The following RGS20 variants were observed in gnomAD, a reference collection of about 807,000 sequenced individuals.
RGS20 encodes regulator of G protein signaling 20, also known as gz-selective GTPase-activating protein.
In RGS20, 30 loss-of-function variants were observed where a neutral mutation model predicts 33.6. The ratio of observed to expected loss-of-function variants is 0.89; its 90% CI spans 0.67 to 1.21. RGS20 has a LOEUF of 1.21. Ranked by LOEUF, RGS20 falls within the 50% of genes most tolerant of loss-of-function variation. The probability of loss-of-function intolerance (pLI) is 0.00; values close to 1 mark genes in which losing one functional copy is unlikely to be tolerated. For synonymous variants in RGS20, 208 were observed against 197.9 expected (o/e 1.05, Z -0.43); for missense variants, 472 against 502.4 (o/e 0.94, Z 0.58).
chr8:53,918,848 A>G (rs924315063), intron 2 of RGS20, among the ~76,000 whole-genome samples: 1 of 152,228 alleles, frequency 6.6e-6, no homozygotes, highest in African/African-American at 2.4e-5. Flanking sequence ...ACCATTATGT[A>G]TAATGTTTAC....
intron 1 of RGS20, among the ~76,000 whole-genome samples, chr8:53,861,154 T>C (rs1371747355): frequency 6.6e-6 from 1 of 152,198 alleles, no homozygotes; most frequent in Non-Finnish European, 1.5e-5. Context: ...TTTATATCTA[T>C]CACCCACAAG....
intron 1 of RGS20, among the ~76,000 whole-genome samples, chr8:53,872,959 C>T (rs1164108840): frequency 6.6e-6 from 1 of 152,082 alleles, no homozygotes; most frequent in African/African-American, 2.4e-5. Context: ...GATGTTGTCT[C>T]CTCTAAATCT....
chr8:53,907,612 T>C (rs944782644), intron 2 of RGS20, among the ~76,000 whole-genome samples: 1 of 152,022 alleles, frequency 6.6e-6, no homozygotes, highest in African/African-American at 2.4e-5. Context: ...TTAAAGAATC[T>C]TTCCAAAATA....
chr8:53,932,843 A>G (rs1283198176), intron 2 of RGS20, among the ~76,000 whole-genome samples: 3 of 152,160 alleles, frequency 2.0e-5, no homozygotes, highest in African/African-American at 7.2e-5. Flanking sequence ...ACCTCCCAGC[A>G]GGGGTCGACA....
At chr8:53,927,469 T>G (rs1476420263) in intron 2 of RGS20, among the ~76,000 whole-genome samples, 1 of 152,150 alleles carries the variant, frequency 6.6e-6, no homozygotes. Context: ...CCTCCTAAAG[T>G]GCTGGGATTA....
chr8:53,897,532 A>T (rs542463731), intron 2 of RGS20, among the ~76,000 whole-genome samples: 16 of 152,388 alleles, frequency 1.0e-4, no homozygotes, highest in Admixed American at 5.9e-4. Flanking sequence ...ATATCCATAT[A>T]GTAACCACAA....
chr8:53,923,160 T>C (rs1032396612), intron 2 of RGS20, among the ~76,000 whole-genome samples: 30 of 151,724 alleles, frequency 2.0e-4, no homozygotes, highest in Admixed American at 1.4e-3. Flanking sequence ...CAATAACATA[T>C]TGTTATAATT....
At chr8:53,899,388 G>A (rs116912974) in intron 2 of RGS20, among the ~76,000 whole-genome samples, 1 of 152,280 alleles carries the variant, frequency 6.6e-6, no homozygotes, top group East Asian at 1.9e-4. Flanking sequence ...CTCACAACCT[G>A]CATTTCTGTA....
chr8:53,942,822 C>A (rs1256361160), intron 3 of RGS20, among the ~76,000 whole-genome samples: 1 of 113,710 alleles, frequency 8.8e-6, no homozygotes, highest in African/African-American at 4.7e-5. Flanking sequence ...GACCATGTCT[C>A]CACTAAAAAA....
At chr8:53,920,408 T>G (rs192384796) in intron 2 of RGS20, among the ~76,000 whole-genome samples, 1 of 151,882 alleles carries the variant, frequency 6.6e-6, no homozygotes, top group African/African-American at 2.4e-5. Context: ...GTTCTAATTG[T>G]TTTTTTTGTT....
chr8:53,942,280 A>G (rs939878164), intron 3 of RGS20, among the ~76,000 whole-genome samples: 6 of 152,090 alleles, frequency 3.9e-5, no homozygotes, highest in African/African-American at 1.4e-4. Context: ...TCTCAAAAAA[A>G]TAAATAAATA....
At chr8:53,892,706 T>C (rs1812748044) in intron 2 of RGS20, among the ~76,000 whole-genome samples, 1 of 152,104 alleles carries the variant, frequency 6.6e-6, no homozygotes, top group African/African-American at 2.4e-5. Flanking sequence ...TTCAAGAGAG[T>C]ATCAGTAAGT....
chr8:53,872,887 AGGCATACAATTCAAT>A (rs1213972064), intron 1 of RGS20, among the ~76,000 whole-genome samples: 1 of 152,140 alleles, frequency 6.6e-6, no homozygotes, highest in Non-Finnish European at 1.5e-5. Flanking sequence ...TCACCATTTT[AGGCATACAATTCAAT>A]GGCACTATCT....
chr8:53,946,358 G>A (rs1049826042), intron 3 of RGS20, among the ~76,000 whole-genome samples: 16 of 152,070 alleles, frequency 1.1e-4, no homozygotes, highest in South Asian at 4.2e-4. Context: ...CCACCGCGCC[G>A]AACCCTTTTT....
chr8:53,866,334 A>G (rs538487736), intron 1 of RGS20, among the ~76,000 whole-genome samples: 1 of 152,262 alleles, frequency 6.6e-6, no homozygotes, highest in African/African-American at 2.4e-5. Flanking sequence ...CTGCAGAGAA[A>G]TGATGAGCCC....
At chr8:53,897,381 C>T (rs1464452148) in intron 2 of RGS20, among the ~76,000 whole-genome samples, 1 of 152,190 alleles carries the variant, frequency 6.6e-6, no homozygotes, top group African/African-American at 2.4e-5. Context: ...ATGCCCTGTC[C>T]ATAAGAGTTT....
intron 1 of RGS20, among the ~76,000 whole-genome samples, chr8:53,863,937 C>T (rs1811864764): frequency 6.6e-6 from 1 of 151,836 alleles, no homozygotes; most frequent in African/African-American, 2.4e-5. Flanking sequence ...CCATGTTAGC[C>T]AGGATGGTCT....
intron 1 of RGS20, among the ~76,000 whole-genome samples, chr8:53,869,920 G>T (rs1455940401): frequency 1.3e-5 from 2 of 152,212 alleles, no homozygotes; most frequent in South Asian, 4.2e-4. Context: ...CCTTTGCAAT[G>T]GCCAGGACTT....
chr8:53,892,728 C>G (rs1362667479), intron 2 of RGS20, among the ~76,000 whole-genome samples: 4 of 152,102 alleles, frequency 2.6e-5, no homozygotes, highest in Non-Finnish European at 5.9e-5. Context: ...GTACCTCTTG[C>G]CAATATTCTC....
Sources: gnomAD v4.1 joint callset for allele counts (sites outside exome capture counted in the v4.1 genomes callset) on GRCh38, gnomAD v4.1.1 for gene constraint, MANE v1.5 for transcripts, NCBI Gene and HGNC (gene_info 2026-07-23, HGNC 2026-07-21) for gene names.